The following RNF10 variants were observed in gnomAD, a reference collection of about 807,000 sequenced individuals.
RNF10 encodes the protein E3 ubiquitin-protein ligase RNF10.
In RNF10, 38 loss-of-function variants were observed where a neutral mutation model predicts 91.4. The ratio of observed to expected loss-of-function variants is 0.42; its 90% CI spans 0.32 to 0.54. The LOEUF (loss-of-function observed/expected upper bound fraction) is 0.54. RNF10 is among the 20% of genes least tolerant of loss of function. The probability of loss-of-function intolerance (pLI) is 0.16; values close to 1 mark genes in which losing one functional copy is unlikely to be tolerated. For missense variants in RNF10, 945 were observed against 1,012.0 expected, an observed-to-expected ratio of 0.93 and a Z score of 0.90; for synonymous variants, 364 against 366.3, an observed-to-expected ratio of 0.99 and a Z score of 0.07.
At chr12:120,546,046 A>G (rs1004155229) in intron 1 of RNF10, among the ~76,000 whole-genome samples, 1 of 152,218 alleles carries the variant, frequency 6.6e-6, no homozygotes, top group Non-Finnish European at 1.5e-5. Context: ...ACCAGGTAAA[A>G]TACTTTTCCT....
intron 4 of RNF10, 138 bp from the exon 5 acceptor site, chr12:120,557,144 A>G: frequency 1.4e-6 from 1 of 731,048 alleles, no homozygotes; most frequent in Non-Finnish European, 2.3e-6. Context: ...AAACAATTTT[A>G]GAAAGATATG....
At position 120,557,654 on chromosome 12, in the gene RNF10, G is replaced by A. The variant is rs1263581614; in HGVS notation, c.939G>A (p.Met313Ile). The change falls in exon 6 of 17, where the codon ATG becomes ATA. Residue 313 changes from methionine (M) to isoleucine (I), a missense_variant. Physicochemically the swap from Met to Ile is conservative, Grantham distance 10. Coordinates refer to ENST00000325954, the MANE Select transcript of RNF10 (RefSeq NM_014868.5). ...VLVALPKSKW[M>I]NVDHPIHLGD... ...TGGCTTTGCCCAAATCCAAATGGAT[G>A]AATGTAGACCATCCCATTCATCTAG... 2 of 1,614,088 alleles carry A rather than the reference G, an allele frequency of 1.2e-6. No individual in the cohort carries two copies. Among genetic ancestry groups the A allele is most frequent in the Non-Finnish European group, 1.7e-6 (2 of 1,180,048 alleles).
intron 1 of RNF10, among the ~76,000 whole-genome samples, chr12:120,544,894 A>T (rs1277141856): frequency 2.6e-5 from 4 of 152,180 alleles, no homozygotes; most frequent in African/African-American, 7.2e-5. Context: ...ACAATGGGGG[A>T]TTGGTTACAT....
Position 120,541,372 on chromosome 12 carries a change from G to A in RNF10, c.158-5033G>A, listed in dbSNP as rs148852812. Among the ~76,000 whole-genome samples, 219 of 151,746 alleles carry A rather than the reference G, an allele frequency of 1.4e-3. 2 individuals carry two copies. The highest frequency in any genetic ancestry group is 4.7e-3 in the African/African-American group (193 of 41,450). On this transcript the variant is annotated intron_variant, in intron 1 of 16. Coordinates refer to ENST00000325954, the MANE Select transcript of RNF10 (RefSeq NM_014868.5). ...TTTGCTTGAGGTGATGTGAAATGGA[G>A]TTAAGGAAAGCAAAGCAAGAGAATG...
Position 120,563,076 on chromosome 12 carries a change from T to C in RNF10, c.1254+6T>C. The stretch of plus-strand genomic sequence containing the variant: ...CTGTTTTTCAACCCAGGAAGGTTAG[T>C]GTGTTCCTGTTACTAAGTGGCTGCC... On this transcript the variant is annotated splice_donor_region_variant and intron_variant, in intron 8 of 16. Coordinates refer to ENST00000325954, the MANE Select transcript of RNF10 (RefSeq NM_014868.5). 1.2e-6 allele frequency: 2 copies of C among 1,614,044 alleles called. No homozygotes were observed. The highest frequency in any genetic ancestry group is 1.7e-6 in the Non-Finnish European group (2 of 1,179,964).
At chr12:120,569,536 A>ATTTTTTTTTT (rs1326256466) in intron 13 of RNF10, among the ~76,000 whole-genome samples, 1 of 41,266 alleles carries the variant, frequency 2.4e-5, no homozygotes, top group African/African-American at 7.4e-5. Flanking sequence ...TGTGATATGC[A>ATTTTTTTTTT]TCTTTTTTTT....
chr12:120,555,414 G>A (rs2137191137), intron 4 of RNF10, among the ~76,000 whole-genome samples: 1 of 151,704 alleles, frequency 6.6e-6, no homozygotes, highest in South Asian at 2.1e-4. Context: ...ACTCCTGACT[G>A]CAAGTGATCC....
At chr12:120,575,469 G>C in intron 14 of RNF10, 162 bp from the exon 15 acceptor site, 1 of 720,474 alleles carries the variant, frequency 1.4e-6, no homozygotes, top group Non-Finnish European at 2.4e-6. Context: ...CCAGGATATA[G>C]AGGACATGAC....
chr12:120,566,962 A>C lies in RNF10; in HGVS notation c.2023A>C (p.Ser675Arg). 1 of 1,604,084 alleles carries C rather than the reference A, an allele frequency of 6.2e-7. No individual in the cohort carries two copies. The highest frequency in any genetic ancestry group is 8.5e-7 in the Non-Finnish European group (1 of 1,177,638). Residue 675 changes from serine to arginine, a missense_variant, in exon 13 of 17, where the codon AGT becomes CGT. By Grantham distance (110) the Ser-to-Arg change is moderately radical. Coordinates refer to ENST00000325954, the MANE Select transcript of RNF10 (RefSeq NM_014868.5). ...GALSISPLSR[S>R]PGSHADFLLT... ...CCTCTCCATTTCTCCTCTCAGCAGA[A>C]GTCCAGGTTCCCATGCAGGTAAACA...
At chr12:120,536,238 A>G (rs1205164585) in intron 1 of RNF10, among the ~76,000 whole-genome samples, 1 of 151,848 alleles carries the variant, frequency 6.6e-6, no homozygotes, top group Non-Finnish European at 1.5e-5. Context: ...CTTGGGCAAG[A>G]TAGTAAGACC....
At chr12:120,538,342 ATTTC>A (rs1292268262) in intron 1 of RNF10, among the ~76,000 whole-genome samples, 1 of 152,038 alleles carries the variant, frequency 6.6e-6, no homozygotes, top group Non-Finnish European at 1.5e-5. Flanking sequence ...TACATGATTA[ATTTC>A]TTTGAGATTT....
At position 120,534,400 on chromosome 12, in the gene RNF10, G is replaced by T. The variant is rs1870407759; in HGVS notation, c.-412G>T. On this transcript the variant is annotated 5_prime_UTR_variant, in exon 1 of 17. Transcript: ENST00000325954. ...CCATTCCCGGAGCAGGTCGGCCTCG[G>T]CCCAGGGGCGAGTATCCGTTGCTGT... The T allele has an allele frequency of 5.6e-6, 1 of 178,480 alleles. No individual in the cohort carries two copies. 11.1% of individuals were successfully genotyped at this position (178,480 alleles called of 1,614,324 possible). A position where few individuals can be genotyped will look rare whatever the true frequency, so the allele number is the denominator to read the frequency against.
intron 2 of RNF10, among the ~76,000 whole-genome samples, chr12:120,548,972 G>A (rs1872680634): frequency 6.6e-6 from 1 of 152,036 alleles, no homozygotes; most frequent in South Asian, 2.1e-4. Flanking sequence ...GCCCGGCTGA[G>A]GGATTTTAAG....
At chr12:120,575,497 G>T in intron 14 of RNF10, 134 bp from the exon 15 acceptor site, 1 of 918,332 alleles carries the variant, frequency 1.1e-6, no homozygotes, top group Admixed American at 2.0e-5. Flanking sequence ...GTGTGTTAAG[G>T]AGAGAAGTAC....
Position 120,562,742 on chromosome 12 carries a change from T to C in RNF10, c.1129-203T>C, listed in dbSNP as rs143647396. Among the ~76,000 whole-genome samples, 71 of 152,330 alleles carry C rather than the reference T, an allele frequency of 4.7e-4. No homozygotes were observed. In the East Asian group the frequency reaches 0.013, roughly 28 times the overall value. On this transcript the variant is annotated intron_variant, in intron 7 of 16. Coordinates refer to ENST00000325954, the MANE Select transcript of RNF10 (RefSeq NM_014868.5). Reference sequence around the variant, plus strand: ...CCCCAGTGTCAGATTCTAAGCAGATTCCAATCCTTAGTGGGTATTGCATGC... The same window carrying C: ...CCCCAGTGTCAGATTCTAAGCAGATCCCAATCCTTAGTGGGTATTGCATGC...
chr12:120,568,500 G>A (rs1450700311), intron 13 of RNF10, among the ~76,000 whole-genome samples: 1 of 149,726 alleles, frequency 6.7e-6, no homozygotes, highest in Non-Finnish European at 1.5e-5. Context: ...TTTTGAGATG[G>A]AGTCTAGCTC....
At chr12:120,572,434 T>C (rs11065163) in intron 14 of RNF10, among the ~76,000 whole-genome samples, 40,881 of 151,858 alleles carry the variant, frequency 0.27, 6,605 homozygotes, top group Admixed American at 0.39. Flanking sequence ...TACTGAGAAA[T>C]AAGCAAGAAT....
chr12:120,555,365 A>G (rs1873821386), intron 4 of RNF10, among the ~76,000 whole-genome samples: 2 of 151,154 alleles, frequency 1.3e-5, no homozygotes, highest in Admixed American at 6.6e-5. Flanking sequence ...TATTTTTAGT[A>G]GAGACGGGGT....
chr12:120,567,055 C>G, intron 13 of RNF10, 75 bp downstream of exon 13: 1 of 1,436,214 alleles, frequency 7.0e-7, no homozygotes, highest in Non-Finnish European at 9.5e-7. Context: ...AGTTTACAAC[C>G]CCGGCCCACT....
Sources: allele counts gnomAD v4.1 joint callset (sites outside exome capture counted in the v4.1 genomes callset), GRCh38; gene constraint gnomAD v4.1.1; transcripts MANE v1.5; gene names NCBI Gene and HGNC (gene_info 2026-07-23, HGNC 2026-07-21).